ATM: variants seen among roughly 807,000 people sequenced by gnomAD.
ATM encodes serine-protein kinase ATM.
ATM carries 308 observed loss-of-function variants against 387.0 expected under a neutral mutation model. The observed-to-expected ratio is 0.80, with a 90% CI of 0.73 to 0.87. The LOEUF (loss-of-function observed/expected upper bound fraction) is 0.87. Among genes scored for constraint, ATM ranks in the 40% least tolerant of loss-of-function variants. The pLI is 0.00. For synonymous variants in ATM, 1,156 were observed against 1,187.3 expected (o/e 0.97, Z 0.54); for missense variants, 3,312 against 3,560.9 (o/e 0.93, Z 1.78).
At position 108,345,925 on chromosome 11, in the gene ATM, T is replaced by C. The variant is rs2088320406; in HGVS notation, c.8584+17T>C. On this transcript the variant is annotated intron_variant, in intron 58 of 62. Coordinates refer to ENST00000675843, the MANE Select transcript of ATM (RefSeq NM_000051.4). The stretch of plus-strand genomic sequence containing the variant: ...CTTCTATTGGTAATCTTCTTGTACA[T>C]ATAGTAGATTGAGCACTTTGTTGTT... 6.2e-7 allele frequency: 1 copy of C among 1,612,854 alleles called. No individual in the cohort carries two copies. Among genetic ancestry groups the C allele is most frequent in the Non-Finnish European group, 8.5e-7 (1 of 1,179,112 alleles).
At chr11:108,281,501 C>T (rs2082231300) in intron 24 of ATM, among the ~76,000 whole-genome samples, 1 of 152,052 alleles carries the variant, frequency 6.6e-6, no homozygotes, top group African/African-American at 2.4e-5. Flanking sequence ...GGTGTTTTGC[C>T]CGGTAGATTC....
At chr11:108,319,278 G>A (rs1204854344) in intron 43 of ATM, among the ~76,000 whole-genome samples, 1 of 152,098 alleles carries the variant, frequency 6.6e-6, no homozygotes, top group African/African-American at 2.4e-5. Flanking sequence ...TTTCCTGTGC[G>A]AGTTGATTCT....
At chr11:108,303,374 TAAG>T (rs1000956186) in intron 36 of ATM, among the ~76,000 whole-genome samples, 3 of 152,104 alleles carry the variant, frequency 2.0e-5, no homozygotes, top group Non-Finnish European at 4.4e-5. Context: ...CTTTCTTGAA[TAAG>T]AAAAAGGAGT....
At chr11:108,255,200 C>T (rs886265081) in intron 13 of ATM, among the ~76,000 whole-genome samples, 6 of 152,008 alleles carry the variant, frequency 3.9e-5, no homozygotes, top group Non-Finnish European at 8.8e-5. Context: ...AATTCGGTAG[C>T]CAGGGAAAAT....
At chr11:108,251,438 C>T (rs961247603) in intron 10 of ATM, among the ~76,000 whole-genome samples, 6 of 152,090 alleles carry the variant, frequency 3.9e-5, no homozygotes, top group Admixed American at 6.6e-5. Flanking sequence ...ATGCTAGGAA[C>T]GTTTGAATTA....
chr11:108,365,171 T>G lies in ATM; in HGVS notation c.8940T>G (p.Leu2980=), dbSNP rs576335919. 6.2e-6 allele frequency: 10 copies of G among 1,614,108 alleles called. No individual in the cohort carries two copies. In the African/African-American group the frequency reaches 6.7e-5, roughly 11 times the overall value. Residue 2980 remains leucine, a synonymous_variant, in exon 62 of 63, where the codon CTT becomes CTG. Transcript: ENST00000675843. The stretch of plus-strand genomic sequence containing the variant: ...AGAGGCCGGAAGATGAAACTGAGCT[T>G]CACCCTACTCTGAATGCAGATGACC... ...LQQRPEDETE[L]HPTLNADDQE...
chr11:108,227,573 C>T (rs995984668), intron 1 of ATM, 22 bp from the exon 2 acceptor site: 4 of 1,345,292 alleles, frequency 3.0e-6, no homozygotes, highest in Non-Finnish European at 4.3e-6. Context: ...CATATATATA[C>T]CTATATGTAT....
At chr11:108,314,850 A>G (rs910710285) in intron 40 of ATM, among the ~76,000 whole-genome samples, 2 of 152,374 alleles carry the variant, frequency 1.3e-5, no homozygotes, top group Non-Finnish European at 2.9e-5. Flanking sequence ...ATGCATTTAC[A>G]GAACTGTACT....
chr11:108,301,581 T>C (rs1240383605), intron 34 of ATM, 67 bp from the exon 35 acceptor site: 1 of 1,594,080 alleles, frequency 6.3e-7, no homozygotes. Context: ...ATTTTTTCAG[T>C]GGAGGTTAAC....
At position 108,268,539 on chromosome 11, in the gene ATM, T is replaced by A. The variant is rs2081390566; in HGVS notation, c.2768T>A (p.Ile923Asn). ...TNTVSFRAAD[I>N]RRKLLMLIDS... ...ACTGTGTCCTTTAGGGCAGCTGATA[T>A]TCGGAGGAAATTGTTAATGTTAATT... is the stretch of plus-strand genomic sequence containing the variant. Residue 923 changes from isoleucine (I) to asparagine (N), a missense_variant, in exon 18 of 63, where the codon ATT (isoleucine) becomes AAT (asparagine). Ile to Asn is a moderately radical substitution (Grantham distance 149). Transcript: ENST00000675843. 6.2e-7 allele frequency: 1 copy of A among 1,614,114 alleles called. No homozygotes were observed.
At position 108,229,295 on chromosome 11, in the gene ATM, C is replaced by A. The variant is rs1555055291; in HGVS notation, c.303C>A (p.Val101=). The A allele has an allele frequency of 1.2e-6, 2 of 1,611,910 alleles. No individual in the cohort carries two copies. The highest frequency in any genetic ancestry group is 2.2e-5 in the South Asian group (2 of 90,974). Residue 101 remains valine, a synonymous_variant, in exon 4 of 63, where the codon GTC becomes GTA. Coordinates refer to ENST00000675843, the MANE Select transcript of ATM (RefSeq NM_000051.4). ...QKKMQEISSL[V]KYFIKCANRR... The stretch of plus-strand genomic sequence containing the variant: ...AGATGCAGGAAATCAGTAGTTTGGT[C>A]AAATACTTCATCAAATGTGCAAACA...
chr11:108,355,252 G>A (rs2089755996), intron 61 of ATM: 1 of 252,952 alleles, frequency 4.0e-6, no homozygotes, highest in African/African-American at 2.3e-5. Flanking sequence ...GAACTAATTA[G>A]TCAGACAAAT....
intron 29 of ATM, among the ~76,000 whole-genome samples, chr11:108,291,225 G>C (rs1390787330): frequency 6.6e-6 from 1 of 152,056 alleles, no homozygotes; most frequent in East Asian, 1.9e-4. Flanking sequence ...GACAGAGCAA[G>C]ACTCCGTCTC....
intron 16 of ATM, among the ~76,000 whole-genome samples, chr11:108,260,074 G>A (rs145703261): frequency 9.2e-6 from 1 of 108,200 alleles, no homozygotes; most frequent in East Asian, 2.6e-4. Flanking sequence ...TTGCTCTGTT[G>A]CCCGGGCTGG....
intron 4 of ATM, among the ~76,000 whole-genome samples, chr11:108,235,448 CA>C (rs1172240006): frequency 1.3e-5 from 2 of 151,604 alleles, no homozygotes; most frequent in Non-Finnish European, 2.9e-5. Flanking sequence ...CAGCCATAAA[CA>C]ATAAGTAAAT....
chr11:108,336,780 T>C (rs2086903295), intron 56 of ATM, among the ~76,000 whole-genome samples: 1 of 152,230 alleles, frequency 6.6e-6, no homozygotes, highest in Non-Finnish European at 1.5e-5. Flanking sequence ...ACATTTCCTC[T>C]AGCTATTTGC....
At chr11:108,359,534 C>A (rs11501002) in intron 61 of ATM, among the ~76,000 whole-genome samples, 9,156 of 151,700 alleles carry the variant, frequency 0.06, 885 homozygotes, top group African/African-American at 0.21. Flanking sequence ...AAAATTGACC[C>A]CATAGTTGGA....
intron 5 of ATM, among the ~76,000 whole-genome samples, chr11:108,237,144 T>A (rs941127912): frequency 6.6e-6 from 1 of 152,222 alleles, no homozygotes; most frequent in Non-Finnish European, 1.5e-5. Context: ...ACTGTTCCCC[T>A]GAGAATAAAT....
At chr11:108,343,570 A>G (rs1163700277) in intron 57 of ATM, among the ~76,000 whole-genome samples, 199 bp downstream of exon 57, 1 of 152,236 alleles carries the variant, frequency 6.6e-6, no homozygotes, top group African/African-American at 2.4e-5. Flanking sequence ...TAATATGTCA[A>G]CCCTTGTCAG....
Sources: gnomAD v4.1 joint callset for allele counts (sites outside exome capture counted in the v4.1 genomes callset) on GRCh38, gnomAD v4.1.1 for gene constraint, MANE v1.5 for transcripts, NCBI Gene and HGNC (gene_info 2026-07-23, HGNC 2026-07-21) for gene names.